The following HSD17B6 variants were observed in gnomAD, a reference collection of about 807,000 sequenced individuals.
The protein encoded by HSD17B6 is hydroxysteroid 17-beta dehydrogenase 6.
A neutral mutation model predicts 26.4 loss-of-function variants in HSD17B6; 16 were observed. The ratio of observed to expected loss-of-function variants is 0.61; its 90% CI spans 0.41 to 0.92. The LOEUF is 0.92. HSD17B6 is among the 40% of genes least tolerant of loss of function. HSD17B6 has a pLI of 0.00. For synonymous variants in HSD17B6, 139 were observed against 153.0 expected (o/e 0.91, Z 0.68); for missense variants, 357 against 386.1 (o/e 0.92, Z 0.63).
chr12:56,764,068 C>CAAAAAAAAAAAA (rs71081400), intron 1 of HSD17B6, among the ~76,000 whole-genome samples: 3 of 74,320 alleles, frequency 4.0e-5, no homozygotes, highest in East Asian at 3.8e-4. Context: ...GACCGTGTCT[C>CAAAAAAAAAAAA]AAAAAAAAAA....
intron 3 of HSD17B6, among the ~76,000 whole-genome samples, chr12:56,783,516 A>G (rs1466970411): frequency 8.0e-6 from 1 of 124,774 alleles, no homozygotes; most frequent in Non-Finnish European, 1.7e-5. Flanking sequence ...TCCCTCCCGG[A>G]TGGGGCGGCC....
At chr12:56,767,728 TAA>T (rs1954370576) in intron 1 of HSD17B6, among the ~76,000 whole-genome samples, 6 of 145,072 alleles carry the variant, frequency 4.1e-5, no homozygotes, top group Admixed American at 1.4e-4. Flanking sequence ...CACACATATA[TAA>T]TATATATGTA....
chr12:56,780,271 C>T (rs1438520973), intron 2 of HSD17B6, among the ~76,000 whole-genome samples: 1 of 152,180 alleles, frequency 6.6e-6, no homozygotes, highest in East Asian at 1.9e-4. Context: ...AAAGACTTTC[C>T]TCCCCATCTG....
At position 56,774,161 on chromosome 12, in the gene HSD17B6, CAGAGGTATGAAATATTTTCTCCTTTT is replaced by C. The variant is rs780375223; in HGVS notation, c.311_313+23del. 4.5e-6 allele frequency: 7 copies of C among 1,545,926 alleles called. No individual in the cohort carries two copies. In the Admixed American group the frequency reaches 1.4e-4, roughly 31 times the overall value. Reference sequence around the variant, plus strand: ...AGTGGGTGAAGGAGCATGTGGGGGACAGAGGTATGAAATATTTTCTCCTTTTATTTACTTAGCATGAAGATGCTAAG... The same window carrying C: ...AGTGGGTGAAGGAGCATGTGGGGGACATTTACTTAGCATGAAGATGCTAAG... On this transcript the variant is annotated splice_donor_variant and splice_donor_5th_base_variant and coding_sequence_variant and intron_variant, in exon 2 of 5. Transcript: ENST00000322165. LOFTEE classifies it high-confidence loss of function.
At chr12:56,767,308 C>T (rs950217852) in intron 1 of HSD17B6, among the ~76,000 whole-genome samples, 1 of 151,198 alleles carries the variant, frequency 6.6e-6, no homozygotes, top group Non-Finnish European at 1.5e-5. Context: ...GTCAGGAGAT[C>T]GAGACCATCC....
Position 56,774,048 on chromosome 12 carries a change from G to A in HSD17B6, c.196G>A (p.Ala66Thr), listed in dbSNP as rs1382678242. ...GGCTGCGTGTCTGACGGAGAAGGGG[G>A]CCGAGCAGCTGAGGGGCCAGACGTC... ...VLAACLTEKG[A>T]EQLRGQTSDR... Residue 66 changes from alanine (A) to threonine (T), a missense_variant, in exon 2 of 5, where the codon GCC (alanine) becomes ACC (threonine). By Grantham distance (58) the Ala-to-Thr change is moderately conservative (BLOSUM62 0). Transcript: ENST00000322165. 1.9e-6 allele frequency: 3 copies of A among 1,614,054 alleles called. No homozygotes were observed. In the African/African-American group the frequency reaches 4.0e-5, roughly 22 times the overall value.
intron 1 of HSD17B6, among the ~76,000 whole-genome samples, chr12:56,772,893 T>C (rs546469640): frequency 6.6e-6 from 1 of 152,046 alleles, no homozygotes; most frequent in African/African-American, 2.4e-5. Context: ...GACATTCATG[T>C]CAAACTAAGG....
At chr12:56,767,007 AT>A (rs576331774) in intron 1 of HSD17B6, among the ~76,000 whole-genome samples, 143 of 152,184 alleles carry the variant, frequency 9.4e-4, no homozygotes, top group African/African-American at 3.3e-3. Context: ...TAATTTTTGT[AT>A]TTTTAGTAGA....
intron 4 of HSD17B6, 110 bp from the exon 5 acceptor site, chr12:56,787,015 T>C (rs1954889053): frequency 2.5e-6 from 2 of 803,678 alleles, no homozygotes; most frequent in Non-Finnish European, 4.0e-6. Context: ...ATGCACATTC[T>C]AGATCATTCT....
At position 56,787,309 on chromosome 12, in the gene HSD17B6, T is replaced by A. The variant is rs1254393167; in HGVS notation, c.921T>A (p.Thr307=). The change falls in exon 5 of 5, where the codon ACT becomes ACA. Residue 307 remains threonine, a synonymous_variant. Coordinates refer to ENST00000322165, the MANE Select transcript of HSD17B6 (RefSeq NM_003725.4). ...LPTSLADYIL[T]RSWPKPAQAV is the part of the protein sequence containing the mutation. ...CATCACTGGCAGACTACATTTTGACTAGATCTTGGCCCAAACCAGCCCAGG... is the reference window on the plus strand; with the variant it reads ...CATCACTGGCAGACTACATTTTGACAAGATCTTGGCCCAAACCAGCCCAGG... The A allele has an allele frequency of 6.2e-7, 1 of 1,613,952 alleles. No homozygotes were observed. The highest frequency in any genetic ancestry group is 8.5e-7 in the Non-Finnish European group (1 of 1,179,950).
intron 1 of HSD17B6, among the ~76,000 whole-genome samples, chr12:56,769,006 C>A (rs1954407747): frequency 7.0e-6 from 1 of 143,758 alleles, no homozygotes; most frequent in Non-Finnish European, 1.5e-5. Context: ...AAAAGGAAGG[C>A]AGAGCAGGAA....
At chr12:56,771,654 C>T (rs1022081544) in intron 1 of HSD17B6, among the ~76,000 whole-genome samples, 2 of 152,016 alleles carry the variant, frequency 1.3e-5, no homozygotes, top group African/African-American at 4.8e-5. Context: ...GATGCGGTTT[C>T]GCCATGTTGA....
intron 2 of HSD17B6, among the ~76,000 whole-genome samples, chr12:56,780,928 C>A (rs1383956036): frequency 2.0e-5 from 3 of 151,176 alleles, no homozygotes; most frequent in African/African-American, 7.3e-5. Flanking sequence ...TCAGTAAAAA[C>A]CAGACACAAC....
At chr12:56,774,442 GC>G (rs1006852442) in intron 2 of HSD17B6, among the ~76,000 whole-genome samples, 17 of 152,144 alleles carry the variant, frequency 1.1e-4, no homozygotes, top group Admixed American at 1.0e-3. Context: ...ATTGTTTAGG[GC>G]AGCCGTCCCC....
chr12:56,767,835 G>T, intron 1 of HSD17B6, among the ~76,000 whole-genome samples: 1 of 146,058 alleles, frequency 6.8e-6, no homozygotes, highest in African/African-American at 2.5e-5. Context: ...GTATATATGT[G>T]TATATATAAA....
chr12:56,775,498 A>C (rs919399958), intron 2 of HSD17B6, among the ~76,000 whole-genome samples: 3 of 152,192 alleles, frequency 2.0e-5, no homozygotes, highest in Non-Finnish European at 4.4e-5. Context: ...GCATTTCTTG[A>C]AGTCAATCTT....
intron 3 of HSD17B6, among the ~76,000 whole-genome samples, chr12:56,783,270 A>AC (rs1298200653): frequency 3.1e-4 from 38 of 124,456 alleles, no homozygotes; most frequent in East Asian, 5.1e-4. Context: ...CGGGGGGCTG[A>AC]CCCCCCCACC....
intron 1 of HSD17B6, among the ~76,000 whole-genome samples, chr12:56,767,789 ATAAT>A (rs1299321794): frequency 1.4e-5 from 2 of 146,088 alleles, no homozygotes; most frequent in Non-Finnish European, 3.0e-5. Context: ...TTATGTATAT[ATAAT>A]ATATATGTGT....
chr12:56,786,290 C>A (rs1231922967), intron 4 of HSD17B6, among the ~76,000 whole-genome samples: 1 of 148,522 alleles, frequency 6.7e-6, no homozygotes, highest in Non-Finnish European at 1.5e-5. Flanking sequence ...CGCTCTGTCA[C>A]CCAGGCTGGA....
Sources: gnomAD v4.1 joint callset for allele counts (sites outside exome capture counted in the v4.1 genomes callset) on GRCh38, gnomAD v4.1.1 for gene constraint, MANE v1.5 for transcripts, NCBI Gene and HGNC (gene_info 2026-07-23, HGNC 2026-07-21) for gene names.